The following RSRC1 variants were observed in gnomAD, a reference collection of about 807,000 sequenced individuals.
RSRC1 encodes arginine and serine rich coiled-coil 1.
RSRC1 carries 39 observed loss-of-function variants against 49.1 expected under a neutral mutation model. The observed-to-expected ratio is 0.79, with a 90% confidence interval of 0.61 to 1.04. RSRC1 has a LOEUF of 1.04. Among genes scored for constraint, RSRC1 ranks in the 50% least tolerant of loss-of-function variants. The pLI is 0.00. For synonymous variants in RSRC1, 143 were observed against 130.8 expected (o/e 1.09, Z -0.63); for missense variants, 388 against 402.4 (o/e 0.96, Z 0.31).
rs769143511 is a variant in RSRC1 at position 158,123,877 on chromosome 3, G to A, written c.206G>A (p.Arg69Gln). ...SHSYDRRRRH[R>Q]SSSSSSYGSR... ...ATATTTTATTTCAGACGCAGGCATC[G>A]ATCAAGCAGTAGCTCTTCTTATGGC... The change falls in exon 3 of 10, where the codon CGA becomes CAA. Residue 69 changes from arginine (R) to glutamine (Q), a missense_variant. Coordinates refer to ENST00000611884, the MANE Select transcript of RSRC1 (RefSeq NM_001271838.2). The A allele has an allele frequency of 8.7e-6, 14 of 1,608,168 alleles. No individual in the cohort carries two copies. Among genetic ancestry groups the A allele is most frequent in the Non-Finnish European group, 3.4e-6 (4 of 1,177,364 alleles).
At chr3:158,446,179 A>G (rs1736700579) in intron 6 of RSRC1, among the ~76,000 whole-genome samples, 1 of 152,116 alleles carries the variant, frequency 6.6e-6, no homozygotes, top group Non-Finnish European at 1.5e-5. Flanking sequence ...TACCATATTC[A>G]GTTTTAGAGG....
intron 3 of RSRC1, among the ~76,000 whole-genome samples, chr3:158,197,757 G>A (rs1414766582): frequency 1.3e-5 from 2 of 152,258 alleles, no homozygotes; most frequent in East Asian, 3.9e-4. Context: ...GTACCCAGTA[G>A]TCATTCAGGA....
At chr3:158,400,293 G>A (rs1020737776) in intron 6 of RSRC1, among the ~76,000 whole-genome samples, 14 of 152,002 alleles carry the variant, frequency 9.2e-5, no homozygotes, top group African/African-American at 3.4e-4. Flanking sequence ...AGTGCCAGTT[G>A]TATATAAATA....
At chr3:158,473,229 C>A (rs1207974815) in intron 7 of RSRC1, among the ~76,000 whole-genome samples, 1 of 152,088 alleles carries the variant, frequency 6.6e-6, no homozygotes, top group Non-Finnish European at 1.5e-5. Flanking sequence ...TTTATCGCGG[C>A]ACTACTCACA....
chr3:158,298,712 G>C (rs1223466515), intron 5 of RSRC1, among the ~76,000 whole-genome samples: 1 of 152,090 alleles, frequency 6.6e-6, no homozygotes, highest in Non-Finnish European at 1.5e-5. Flanking sequence ...ACTGTATTGA[G>C]TGTTTATTAC....
At chr3:158,392,643 T>C (rs1733381793) in intron 6 of RSRC1, among the ~76,000 whole-genome samples, 1 of 152,102 alleles carries the variant, frequency 6.6e-6, no homozygotes, top group Admixed American at 6.6e-5. Context: ...CCTAAATATA[T>C]ATGCACCAAA....
At chr3:158,162,274 A>G (rs1718275473) in intron 3 of RSRC1, among the ~76,000 whole-genome samples, 1 of 152,208 alleles carries the variant, frequency 6.6e-6, no homozygotes, top group Admixed American at 6.5e-5. Context: ...ACTAAATGAC[A>G]TCAACTGACG....
intron 5 of RSRC1, among the ~76,000 whole-genome samples, chr3:158,315,905 C>T (rs1356975911): frequency 1.3e-5 from 2 of 152,140 alleles, no homozygotes; most frequent in Non-Finnish European, 2.9e-5. Flanking sequence ...GGCATGGTGG[C>T]TCACGCCTGC....
At chr3:158,308,422 C>T (rs769365678) in intron 5 of RSRC1, among the ~76,000 whole-genome samples, 9 of 151,886 alleles carry the variant, frequency 5.9e-5, no homozygotes, top group Non-Finnish European at 1.0e-4. Flanking sequence ...GGCTGCAAGG[C>T]GTCTCTCGGC....
chr3:158,533,216 T>C (rs1055659888), intron 7 of RSRC1, among the ~76,000 whole-genome samples: 3 of 151,720 alleles, frequency 2.0e-5, no homozygotes, highest in African/African-American at 7.2e-5. Context: ...CCTGTGAATC[T>C]TTCAAATTTT....
chr3:158,347,626 A>G (rs1222110669), intron 5 of RSRC1, among the ~76,000 whole-genome samples: 2 of 152,094 alleles, frequency 1.3e-5, no homozygotes, highest in African/African-American at 2.4e-5. Context: ...GCCCACTGCA[A>G]CCTCAAACTC....
chr3:158,259,667 C>T (rs939446795), intron 4 of RSRC1, among the ~76,000 whole-genome samples: 3 of 152,096 alleles, frequency 2.0e-5, no homozygotes, highest in Admixed American at 6.5e-5. Flanking sequence ...TTCAGGGCAG[C>T]GAGTTCCCCC....
intron 4 of RSRC1, among the ~76,000 whole-genome samples, chr3:158,286,802 C>A (rs1204387233): frequency 6.6e-6 from 1 of 152,166 alleles, no homozygotes; most frequent in African/African-American, 2.4e-5. Context: ...TAATCAATTT[C>A]TGAGTTATTC....
At chr3:158,153,038 A>G (rs918924668) in intron 3 of RSRC1, among the ~76,000 whole-genome samples, 1 of 152,178 alleles carries the variant, frequency 6.6e-6, no homozygotes. Flanking sequence ...CAGGTATAGT[A>G]AAGTCCTGAG....
intron 7 of RSRC1, among the ~76,000 whole-genome samples, chr3:158,536,447 G>C (rs1712718361): frequency 6.6e-6 from 1 of 151,198 alleles, no homozygotes; most frequent in South Asian, 2.1e-4. Flanking sequence ...GACCTTGTTT[G>C]GTTCCTATTT....
At chr3:158,489,166 A>G (rs1419280861) in intron 7 of RSRC1, among the ~76,000 whole-genome samples, 2 of 152,360 alleles carry the variant, frequency 1.3e-5, no homozygotes, top group South Asian at 4.1e-4. Context: ...CTAAAAGCAT[A>G]CATAAAAGGT....
At chr3:158,173,267 C>T (rs1718989225) in intron 3 of RSRC1, among the ~76,000 whole-genome samples, 1 of 151,796 alleles carries the variant, frequency 6.6e-6, no homozygotes, top group Admixed American at 6.6e-5. Flanking sequence ...AGCAGGCAGA[C>T]CATTTGCTCA....
At chr3:158,374,106 T>C (rs1732225325) in intron 6 of RSRC1, among the ~76,000 whole-genome samples, 1 of 152,108 alleles carries the variant, frequency 6.6e-6, no homozygotes, top group African/African-American at 2.4e-5. Context: ...ATTACTGTTT[T>C]ATGTTTTTTG....
rs139066401 is a variant in RSRC1 at position 158,203,114 on chromosome 3, T to C, written c.363T>C (p.Ser121=). Residue 121 remains serine (S), a synonymous_variant, in exon 4 of 10, where the codon AGT becomes AGC. Transcript: ENST00000611884. The part of the protein sequence containing the change: ...RPRLRSHSRS[S]ERSSHRRTRS... ...GTCTCCGTTCTCATAGTCGTAGCAG[T>C]GAAAGGTCCAGTCACAGAAGAACGC... 4.9e-5 allele frequency: 79 copies of C among 1,613,538 alleles called. No individual in the cohort carries two copies. The highest frequency in any genetic ancestry group is 8.3e-5 in the Admixed American group (5 of 59,960).
Sources: allele counts gnomAD v4.1 joint callset (sites outside exome capture counted in the v4.1 genomes callset), GRCh38; gene constraint gnomAD v4.1.1; transcripts MANE v1.5; gene names NCBI Gene and HGNC (gene_info 2026-07-23, HGNC 2026-07-21).